Variants in CCDC197 observed in about 807,000 individuals in gnomAD.
The protein encoded by CCDC197 is uncharacterized protein CCDC197.
A neutral mutation model predicts 13.4 loss-of-function variants in CCDC197; 24 were observed. The ratio of observed to expected loss-of-function variants is 1.80; its 90% CI spans 1.30 to 2.53. CCDC197 has a LOEUF of 2.53. CCDC197 is among the 30% of genes most tolerant of loss of function. CCDC197 has a pLI of 0.00. For synonymous variants in CCDC197, 99 were observed against 55.5 expected (o/e 1.78, Z -3.48); for missense variants, 255 against 148.8 (o/e 1.71, Z -3.71).
upstream of CCDC197, among the ~76,000 whole-genome samples, chr14:93,993,673 G>A (rs1457385359): frequency 6.6e-6 from 1 of 152,238 alleles, no homozygotes; most frequent in Non-Finnish European, 1.5e-5. Flanking sequence ...TCCTTCTGCT[G>A]TGCCTGGTGA....
At chr14:94,010,565 T>C (rs988108006), downstream of CCDC197, among the ~76,000 whole-genome samples, 37 of 152,282 alleles carry the variant, frequency 2.4e-4, no homozygotes, top group African/African-American at 8.4e-4. Flanking sequence ...TCTTGTCTCA[T>C]AGACCTTCAC....
upstream of CCDC197, among the ~76,000 whole-genome samples, chr14:93,995,677 G>A (rs1204635101): frequency 2.6e-5 from 4 of 152,216 alleles, no homozygotes; most frequent in Non-Finnish European, 5.9e-5. Context: ...AGAATGGAGA[G>A]GATGATGAAA....
At chr14:93,999,722 A>AGGACTGCGACACCGTGTGTGGCCTC in intron 3 of CCDC197, 57 bp downstream of exon 3, 1 of 776,786 alleles carries the variant, frequency 1.3e-6, no homozygotes, top group South Asian at 1.3e-5. Flanking sequence ...TACTGGCTGC[A>AGGACTGCGACACCGTGTGTGGCCTC]GGACTGCGAC....
At chr14:93,996,262 G>A (rs141140105), upstream of CCDC197, among the ~76,000 whole-genome samples, 84 of 152,258 alleles carry the variant, frequency 5.5e-4, no homozygotes, top group East Asian at 0.013. Flanking sequence ...ATTCTCAGTC[G>A]GTGCTCAGCA....
chr14:94,008,175 G>C (rs1184526996), intron 6 of CCDC197, among the ~76,000 whole-genome samples: 1 of 152,244 alleles, frequency 6.6e-6, no homozygotes, highest in East Asian at 1.9e-4. Context: ...ATTGACATCT[G>C]TCAGTCACTC....
At chr14:94,004,760 T>C (rs1890631995) in intron 5 of CCDC197, 95 bp from the exon 6 acceptor site, 1 of 663,774 alleles carries the variant, frequency 1.5e-6, no homozygotes, top group African/African-American at 1.8e-5. Flanking sequence ...CCCAGCTCTG[T>C]CCACGACACT....
intron 4 of CCDC197, 32 bp downstream of exon 4, chr14:94,001,355 C>T: frequency 2.8e-6 from 2 of 718,966 alleles, no homozygotes; most frequent in Non-Finnish European, 2.6e-6. Flanking sequence ...CTCCATTCCC[C>T]GTGGCCCAGG....
chr14:93,990,117 C>A (rs1890181990), intron 1 of CCDC197, among the ~76,000 whole-genome samples: 1 of 152,196 alleles, frequency 6.6e-6, no homozygotes, highest in African/African-American at 2.4e-5. Flanking sequence ...CTTGTGTAAT[C>A]AGTTAGACCC....
upstream of CCDC197, among the ~76,000 whole-genome samples, chr14:93,994,836 G>A (rs190393623): frequency 6.6e-6 from 1 of 152,272 alleles, no homozygotes; most frequent in Admixed American, 6.5e-5. Context: ...CCCAGTGAAG[G>A]TCCCATAACC....
chr14:93,991,663 G>A (rs1283694290), intron 1 of CCDC197, among the ~76,000 whole-genome samples: 1 of 152,200 alleles, frequency 6.6e-6, no homozygotes, highest in African/African-American at 2.4e-5. Flanking sequence ...ACAGGAAGGA[G>A]TGCTAAAATA....
downstream of CCDC197, among the ~76,000 whole-genome samples, chr14:94,009,119 T>G (rs998284887): frequency 1.3e-5 from 2 of 152,212 alleles, no homozygotes; most frequent in African/African-American, 4.8e-5. Flanking sequence ...TCTCTCACTT[T>G]CATGGTGGGT....
chr14:94,008,932 T>G, downstream of CCDC197: 1 of 610,180 alleles, frequency 1.6e-6, no homozygotes, highest in Non-Finnish European at 3.0e-6. Context: ...GAGGGGGTGG[T>G]CAGGGTCCTG....
At position 94,008,797 on chromosome 14, in the gene CCDC197, C is replaced by A; in HGVS notation, c.804C>A (p.Cys268Ter). 2.8e-6 allele frequency: 2 copies of A among 702,444 alleles called. No homozygotes were observed. Among genetic ancestry groups the A allele is most frequent in the Non-Finnish European group, 2.6e-6 (1 of 384,902 alleles). The allele number at this position is 702,444 out of a possible 1,614,324, so 43.5% of individuals were successfully genotyped here. ...TTCCCAGCCCCCATGCTTCAGAGTG[C>A]TCCGGCCTGTACTGACCAGCCTGCG... ...TPFPSPHASE[C>*]SGLY The change falls in exon 7 of 7, where the codon TGC becomes TGA. Residue 268 changes from cysteine to a stop codon, truncating the protein, a stop_gained. Coordinates refer to ENST00000636493, the MANE Select transcript of CCDC197 (RefSeq NM_001351596.2). LOFTEE classifies it high-confidence loss of function.
chr14:93,990,627 G>A (rs891581136), intron 1 of CCDC197, among the ~76,000 whole-genome samples: 3 of 152,152 alleles, frequency 2.0e-5, no homozygotes, highest in Admixed American at 6.5e-5. Flanking sequence ...GGGAAGCTCC[G>A]ATTCACCCTC....
At chr14:94,011,108 C>T (rs1007848501), downstream of CCDC197, among the ~76,000 whole-genome samples, 3 of 152,208 alleles carry the variant, frequency 2.0e-5, no homozygotes, top group Non-Finnish European at 4.4e-5. Flanking sequence ...CCACCAACTA[C>T]CCCTGCCTGG....
At position 93,998,142 on chromosome 14, in the gene CCDC197, T is replaced by G; in HGVS notation, c.11T>G (p.Met4Arg). ...TGCGGTGGTGAGGTGATGGCAGCCA[T>G]GGACACAGGCCAGAGAGCTGACCCA... MAA[M>R]DTGQRADPSN... The change falls in exon 2 of 7, where the codon ATG (methionine) becomes AGG (arginine). Residue 4 changes from methionine to arginine, a missense_variant. By Grantham distance (91) the Met-to-Arg change is moderately conservative. Transcript: ENST00000636493. 1 of 780,714 alleles carries G rather than the reference T, an allele frequency of 1.3e-6. No homozygotes were observed. The highest frequency in any genetic ancestry group is 1.3e-5 in the South Asian group (1 of 74,618). 48.4% of individuals were successfully genotyped at this position (780,714 alleles called of 1,614,324 possible).
intron 3 of CCDC197, among the ~76,000 whole-genome samples, chr14:94,000,119 T>G (rs1890447921): frequency 1.3e-5 from 2 of 152,240 alleles, no homozygotes; most frequent in South Asian, 4.1e-4. Flanking sequence ...TGTGTTGTTT[T>G]ATGAGTACTG....
Position 93,997,948 on chromosome 14 carries a change from C to A in CCDC197, c.-133-51C>A, listed in dbSNP as rs757928836. ...GTCCTCATCCAGTCCTGCCAGATGA[C>A]CTTAAGCTGCTCACAGCCCCTTTCT... On this transcript the variant is annotated intron_variant, in intron 1 of 6. Coordinates refer to ENST00000636493, the MANE Select transcript of CCDC197 (RefSeq NM_001351596.2). The A allele has an allele frequency of 1.6e-4, 96 of 606,098 alleles. 1 individual carries two copies. The East Asian group carries it at 2.1e-3, about 14-fold the overall frequency. 37.5% of individuals were successfully genotyped at this position (606,098 alleles called of 1,614,324 possible).
intron 4 of CCDC197, among the ~76,000 whole-genome samples, chr14:94,002,875 A>T (rs948852879): frequency 2.0e-5 from 3 of 150,398 alleles, no homozygotes; most frequent in Admixed American, 1.3e-4. Context: ...AAACAAAATT[A>T]TAAAGAAAAA....
Sources: gnomAD v4.1 joint callset for allele counts (sites outside exome capture counted in the v4.1 genomes callset) on GRCh38, gnomAD v4.1.1 for gene constraint, MANE v1.5 for transcripts, NCBI Gene and HGNC (gene_info 2026-07-23, HGNC 2026-07-21) for gene names.